ATP9A: variants seen among roughly 807,000 people sequenced by gnomAD.
The protein encoded by ATP9A is probable phospholipid-transporting ATPase IIA.
ATP9A carries 52 observed loss-of-function variants against 144.1 expected under a neutral mutation model. The observed-to-expected ratio is 0.36, with a 90% CI of 0.29 to 0.45. The LOEUF is 0.45. ATP9A is among the 20% of genes least tolerant of loss of function. The pLI is 1.00. For synonymous variants in ATP9A, 582 were observed against 557.4 expected (o/e 1.04, Z -0.62); for missense variants, 947 against 1,392.7 (o/e 0.68, Z 5.09).
rs754600739 is a variant in ATP9A at position 51,697,485 on chromosome 20, G to T, written c.437-3C>A. 6.2e-7 allele frequency: 1 copy of T among 1,612,958 alleles called. No homozygotes were observed. The highest frequency in any genetic ancestry group is 1.1e-5 in the South Asian group (1 of 90,942). On this transcript the variant is annotated splice_polypyrimidine_tract_variant and splice_region_variant and intron_variant, in intron 4 of 27. Coordinates refer to ENST00000338821, the MANE Select transcript of ATP9A (RefSeq NM_006045.3). ...AGAACTCTTCACCTTCACTGTGCCT[G>T]CAAAGCAGCAGGTTCAAGATACATC...
At chr20:51,767,836 G>A (rs1173769179) in intron 1 of ATP9A, among the ~76,000 whole-genome samples, 1 of 152,216 alleles carries the variant, frequency 6.6e-6, no homozygotes, top group Non-Finnish European at 1.5e-5. Context: ...GGTACCCCGA[G>A]GCGTAGGCCG....
chr20:51,762,401 C>T (rs1206191884), intron 1 of ATP9A, among the ~76,000 whole-genome samples: 1 of 151,638 alleles, frequency 6.6e-6, no homozygotes, highest in Non-Finnish European at 1.5e-5. Flanking sequence ...GAGGCTGGGG[C>T]AGGAGAACTG....
intron 1 of ATP9A, among the ~76,000 whole-genome samples, chr20:51,760,184 G>C (rs149123053): frequency 6.6e-6 from 1 of 152,150 alleles, no homozygotes; most frequent in Non-Finnish European, 1.5e-5. Context: ...AAAAATACAC[G>C]TGTCAGATAA....
rs546663321 is a variant in ATP9A at position 51,686,459 on chromosome 20, C to CA, written c.799+2604dup. Among the ~76,000 whole-genome samples the CA allele has an allele frequency of 3.2e-3, 485 of 149,564 alleles. 3 individuals are homozygous for CA. The highest frequency in any genetic ancestry group is 5.6e-3 in the Non-Finnish European group (376 of 67,098). ...ATCACAAACAAAAACAAAAAACAAA[C>CA]AAAAAACTGCAAAAATATGTATAAC... On this transcript the variant is annotated intron_variant, in intron 9 of 27. Transcript: ENST00000338821.
intron 13 of ATP9A, among the ~76,000 whole-genome samples, chr20:51,659,554 AG>A (rs2077402818): frequency 6.6e-6 from 1 of 152,216 alleles, no homozygotes; most frequent in Non-Finnish European, 1.5e-5. Context: ...CACCTACAAC[AG>A]TCTTACTGAA....
intron 17 of ATP9A, 50 bp downstream of exon 17, chr20:51,627,550 G>A (rs2077254264): frequency 1.3e-6 from 2 of 1,504,584 alleles, no homozygotes; most frequent in African/African-American, 1.4e-5. Context: ...GGAGTGACTG[G>A]GAGGCAGGTG....
chr20:51,617,373 C>T lies in ATP9A; in HGVS notation c.2415+117G>A. 4 of 1,074,122 alleles carry T rather than the reference C, an allele frequency of 3.7e-6. No homozygotes were observed. In the South Asian group the frequency reaches 5.6e-5, roughly 15 times the overall value. The allele number at this position is 1,074,122 out of a possible 1,614,324, so 66.5% of individuals were successfully genotyped here. On this transcript the variant is annotated intron_variant, in intron 22 of 27. Transcript: ENST00000338821. ...CACAAGGTAACTGTGACACATGATT[C>T]CTTATGTTTTATCATTCTTTATCTG... is the stretch of plus-strand genomic sequence containing the variant.
chr20:51,678,535 T>C (rs1435581320), intron 9 of ATP9A, among the ~76,000 whole-genome samples: 2 of 152,148 alleles, frequency 1.3e-5, no homozygotes, highest in East Asian at 1.9e-4. Flanking sequence ...TCCCGGCAGA[T>C]GGCAGGCCAG....
chr20:51,739,916 AAGG>A (rs1206588564), intron 1 of ATP9A, among the ~76,000 whole-genome samples: 10 of 152,182 alleles, frequency 6.6e-5, no homozygotes, highest in Non-Finnish European at 1.5e-4. Flanking sequence ...TGAAGCCCCC[AAGG>A]AGGACAGCAG....
chr20:51,647,740 A>G (rs2077347673), intron 14 of ATP9A, among the ~76,000 whole-genome samples: 1 of 152,040 alleles, frequency 6.6e-6, no homozygotes, highest in Non-Finnish European at 1.5e-5. Flanking sequence ...AAAAAAGAAA[A>G]AGAAAAAAAA....
intron 13 of ATP9A, among the ~76,000 whole-genome samples, chr20:51,659,463 A>AT (rs1301918222): frequency 2.0e-5 from 3 of 152,054 alleles, no homozygotes; most frequent in Admixed American, 1.3e-4. Flanking sequence ...ATTGACATGC[A>AT]TTTTTTTTCA....
In ATP9A at chr20:51,617,567, C is replaced by T. The variant is rs1205678654; in HGVS notation, c.2351-13G>A. ...TTGCCTCCGTCCCCTGCGAGCCACA[C>T]AGACCAGAGAGAAAAGATGTTTCAT... On this transcript the variant is annotated splice_polypyrimidine_tract_variant and intron_variant, in intron 21 of 27. Transcript: ENST00000338821. The T allele has an allele frequency of 3.1e-6, 5 of 1,610,434 alleles. No homozygotes were observed. Among genetic ancestry groups the T allele is most frequent in the East Asian group, 2.2e-5 (1 of 44,766 alleles).
chr20:51,622,031 C>G (rs200300937), intron 19 of ATP9A, 43 bp downstream of exon 19: 1 of 1,564,108 alleles, frequency 6.4e-7, no homozygotes, highest in Admixed American at 1.7e-5. Flanking sequence ...TAGGACAAAT[C>G]GAACATCATC....
At chr20:51,694,151 C>A (rs1011972792) in intron 6 of ATP9A, 49 bp from the exon 7 acceptor site, 3 of 1,501,492 alleles carry the variant, frequency 2.0e-6, no homozygotes, top group Non-Finnish European at 1.9e-6. Context: ...GCACCCTTCC[C>A]TTGGCAGCTC....
chr20:51,671,457 T>C (rs993046060), intron 11 of ATP9A, among the ~76,000 whole-genome samples, 200 bp from the exon 12 acceptor site: 20 of 151,982 alleles, frequency 1.3e-4, no homozygotes, highest in African/African-American at 4.3e-4. Flanking sequence ...TCCATTATTG[T>C]CACAAAGCTC....
At chr20:51,629,973 A>G (rs2077264016) in intron 15 of ATP9A, among the ~76,000 whole-genome samples, 1 of 152,234 alleles carries the variant, frequency 6.6e-6, no homozygotes, top group Non-Finnish European at 1.5e-5. Flanking sequence ...CTGTACGTAG[A>G]GAACAAGGCT....
intron 27 of ATP9A, among the ~76,000 whole-genome samples, chr20:51,604,499 G>A (rs374738777): frequency 6.6e-6 from 1 of 152,158 alleles, no homozygotes; most frequent in South Asian, 2.1e-4. Context: ...TTGGACTTCA[G>A]ATTAAGATTT....
intron 18 of ATP9A, among the ~76,000 whole-genome samples, chr20:51,623,413 A>G (rs958139181): frequency 3.9e-5 from 6 of 152,134 alleles, no homozygotes; most frequent in Admixed American, 1.3e-4. Flanking sequence ...CTGCTTCCCA[A>G]TGTGAGAACC....
At chr20:51,732,185 C>T (rs1044180216) in intron 1 of ATP9A, among the ~76,000 whole-genome samples, 1 of 152,146 alleles carries the variant, frequency 6.6e-6, no homozygotes, top group Admixed American at 6.5e-5. Context: ...ACCCCAAAAA[C>T]GGCAGCTTGT....
Sources: gnomAD v4.1 joint callset for allele counts (sites outside exome capture counted in the v4.1 genomes callset) on GRCh38, gnomAD v4.1.1 for gene constraint, MANE v1.5 for transcripts, NCBI Gene and HGNC (gene_info 2026-07-23, HGNC 2026-07-21) for gene names.